Variants in SCN7A observed in about 807,000 individuals in gnomAD.
SCN7A encodes the protein sodium channel protein type 7 subunit alpha.
Under a neutral mutation model 155.2 loss-of-function variants are expected in SCN7A, and 138 were observed. That is an observed-to-expected ratio of 0.89 (90% CI 0.77 to 1.02). SCN7A has a LOEUF of 1.02. Ranked by LOEUF, SCN7A falls within the 50% of genes least tolerant of loss-of-function variation. SCN7A has a pLI of 0.00. For missense variants in SCN7A, 2,058 were observed against 1,986.6 expected (o/e 1.04, Z -0.68); for synonymous variants, 693 against 649.0 (o/e 1.07, Z -1.03).
chr2:166,464,607 C>T (rs375673989), intron 9 of SCN7A, among the ~76,000 whole-genome samples: 16 of 152,006 alleles, frequency 1.1e-4, no homozygotes, highest in Non-Finnish European at 2.2e-4. Context: ...GAAATATCAG[C>T]GTATCTTTTT....
chr2:166,442,745 A>G (rs1484485145), intron 14 of SCN7A, among the ~76,000 whole-genome samples: 2 of 152,142 alleles, frequency 1.3e-5, no homozygotes, highest in East Asian at 3.9e-4. Context: ...ATATTTTGAT[A>G]CTATCTTTTA....
chr2:166,472,038 T>C (rs1470072932), intron 6 of SCN7A, among the ~76,000 whole-genome samples: 1 of 151,792 alleles, frequency 6.6e-6, no homozygotes, highest in Admixed American at 6.6e-5. Context: ...ATGCATACAT[T>C]TGCCATGTTG....
chr2:166,413,146 A>G lies in SCN7A; in HGVS notation c.3415-25T>C, dbSNP rs1213180712. On this transcript the variant is annotated intron_variant, in intron 21 of 25. Coordinates refer to ENST00000643258, the MANE Select transcript of SCN7A (RefSeq NM_002976.4). ...CCTGTAAAAATAAAATGCATTTAAA[A>G]TTTATGCTTCCTGGCAAATAAAAAG... 5 of 1,379,436 alleles carry G rather than the reference A, an allele frequency of 3.6e-6. No individual in the cohort carries two copies. The East Asian group carries it at 9.9e-5, about 27-fold the overall frequency. 85.4% of individuals were successfully genotyped at this position (1,379,436 alleles called of 1,614,324 possible). A position where few individuals can be genotyped will look rare whatever the true frequency, so the allele number is the denominator to read the frequency against.
chr2:166,409,526 A>C (rs1240263715), intron 25 of SCN7A, 139 bp downstream of exon 25: 2 of 616,160 alleles, frequency 3.2e-6, no homozygotes, highest in African/African-American at 3.8e-5. Flanking sequence ...AAAATAAAAA[A>C]AGATCTCTAC....
intron 2 of SCN7A, among the ~76,000 whole-genome samples, chr2:166,481,516 A>T (rs1286472134): frequency 6.6e-6 from 1 of 152,170 alleles, no homozygotes; most frequent in Non-Finnish European, 1.5e-5. Context: ...TTTGAAACAG[A>T]GAAAATTGTC....
chr2:166,472,637 G>C (rs1559123499), intron 5 of SCN7A, among the ~76,000 whole-genome samples, 192 bp from the exon 6 acceptor site: 1 of 151,852 alleles, frequency 6.6e-6, no homozygotes, highest in Non-Finnish European at 1.5e-5. Flanking sequence ...AGTGCTCCTT[G>C]AGCCCTAGCT....
chr2:166,434,724 TAGTC>T (rs1024453570), intron 15 of SCN7A, among the ~76,000 whole-genome samples: 3 of 152,140 alleles, frequency 2.0e-5, no homozygotes, highest in Non-Finnish European at 2.9e-5. Flanking sequence ...TAATTTAAGA[TAGTC>T]AGTTGTTTCC....
rs1193415196 is a variant in SCN7A at position 166,412,556 on chromosome 2, CAAT to C, written c.3577_3579del (p.Ile1193del). The stretch of plus-strand genomic sequence containing the variant: ...TTTATTTTATGCTTGTTGAAATTAT[CAAT>C]AATAACAGTAATCAGCATACTCAGA... On this transcript the variant is annotated inframe_deletion, in exon 23 of 26. Transcript: ENST00000643258. 6 of 1,478,336 alleles carry C rather than the reference CAAT, an allele frequency of 4.1e-6. No individual in the cohort carries two copies. The highest frequency in any genetic ancestry group is 5.4e-6 in the Non-Finnish European group (6 of 1,119,966). The allele number at this position is 1,478,336 out of a possible 1,614,324, so 91.6% of individuals were successfully genotyped here.
At chr2:166,436,615 C>A (rs904120424) in intron 15 of SCN7A, among the ~76,000 whole-genome samples, 5 of 152,132 alleles carry the variant, frequency 3.3e-5, no homozygotes, top group African/African-American at 1.2e-4. Flanking sequence ...GGGTAACAGG[C>A]AGATGTTGGA....
In SCN7A at chr2:166,406,502, G is replaced by A. The variant is rs1043619288; in HGVS notation, c.4127C>T (p.Ser1376Phe). The change falls in exon 26 of 26, where the codon TCC becomes TTC. Residue 1376 changes from serine to phenylalanine, a missense_variant. Coordinates refer to ENST00000643258, the MANE Select transcript of SCN7A (RefSeq NM_002976.4). ...AATGATGTTCAATAATGCTGGGAGG[G>A]ACAGCATCAAAGGAAGCATCAGATT... ...FHNLMLPLML[S>F]LPALLNIILL... The A allele has an allele frequency of 3.7e-6, 6 of 1,612,736 alleles. No homozygotes were observed. The highest frequency in any genetic ancestry group is 5.1e-6 in the Non-Finnish European group (6 of 1,179,204).
intron 3 of SCN7A, among the ~76,000 whole-genome samples, chr2:166,475,309 A>C (rs1465055224): frequency 6.7e-6 from 1 of 149,190 alleles, no homozygotes; most frequent in Non-Finnish European, 1.5e-5. Context: ...AATAAATTAT[A>C]GTATACTAAA....
In SCN7A at chr2:166,405,847, T is replaced by C; in HGVS notation, c.4782A>G (p.Lys1594=). 6.2e-7 allele frequency: 1 copy of C among 1,613,138 alleles called. No individual in the cohort carries two copies. The highest frequency in any genetic ancestry group is 1.1e-5 in the South Asian group (1 of 91,062). Residue 1594 remains lysine, a synonymous_variant, in exon 26 of 26, where the codon AAA becomes AAG. Coordinates refer to ENST00000643258, the MANE Select transcript of SCN7A (RefSeq NM_002976.4). ...RVMGQDVRME[K]VVSEIESGFL... ...ACCCTGATTCTATTTCTGAAACAAC[T>C]TTCTCCATCCTCACATCTTGACCCA...
chr2:166,409,601 T>C (rs1158908239), intron 25 of SCN7A, 64 bp downstream of exon 25: 1 of 1,214,542 alleles, frequency 8.2e-7, no homozygotes, highest in Non-Finnish European at 1.1e-6. Flanking sequence ...ATTTCATATT[T>C]ACTGTAAGAG....
Position 166,414,123 on chromosome 2 carries a change from TATATTA to T in SCN7A, c.3415-1008_3415-1003del, listed in dbSNP as rs1701280880. On this transcript the variant is annotated intron_variant, in intron 21 of 25. Transcript: ENST00000643258. ...ATATATTATATATAAATATATATAATATATTATATATATGTAAATATATATAAATAT... is the reference window on the plus strand; with the variant it reads ...ATATATTATATATAAATATATATAATTATATATGTAAATATATATAAATAT... Among the ~76,000 whole-genome samples, 2 of 82,740 alleles carry T rather than the reference TATATTA, an allele frequency of 2.4e-5. 1 individual carries two copies. The highest frequency in any genetic ancestry group is 1.2e-4 in the African/African-American group (2 of 17,252). 54.3% of individuals were successfully genotyped at this position (82,740 alleles called of 152,430 possible). A position where few individuals can be genotyped will look rare whatever the true frequency, so the allele number is the denominator to read the frequency against.
chr2:166,414,095 A>G (rs1383327090), intron 21 of SCN7A, among the ~76,000 whole-genome samples: 1 of 88,218 alleles, frequency 1.1e-5, no homozygotes, highest in Non-Finnish European at 2.0e-5. Context: ...GTAAATATAT[A>G]TAATATATTA....
Position 166,441,330 on chromosome 2 carries a change from A to G in SCN7A, c.2157+66T>C, listed in dbSNP as rs1575029083. Reference sequence around the variant, plus strand: ...AGACCATTAGATCCCATCAATGCACATCATGAAAATACCAAACTACCTTAT... The same window carrying G: ...AGACCATTAGATCCCATCAATGCACGTCATGAAAATACCAAACTACCTTAT... On this transcript the variant is annotated intron_variant, in intron 15 of 25. Transcript: ENST00000643258. The G allele has an allele frequency of 8.9e-6, 10 of 1,125,984 alleles. No individual in the cohort carries two copies. The East Asian group carries it at 2.6e-4, about 29-fold the overall frequency. The allele number at this position is 1,125,984 out of a possible 1,614,324, so 69.7% of individuals were successfully genotyped here.
At chr2:166,450,743 C>T (rs1270796679) in intron 11 of SCN7A, among the ~76,000 whole-genome samples, 1 of 151,842 alleles carries the variant, frequency 6.6e-6, no homozygotes, top group African/African-American at 2.4e-5. Context: ...GCAGTGAGAC[C>T]AGATTGCGCC....
At chr2:166,413,846 A>C (rs1317798853) in intron 21 of SCN7A, among the ~76,000 whole-genome samples, 1 of 149,214 alleles carries the variant, frequency 6.7e-6, no homozygotes, top group Non-Finnish European at 1.5e-5. Flanking sequence ...TTGGACTCCA[A>C]GTTCTTCAGT....
At chr2:166,488,209 G>T (rs1703094554) in intron 1 of SCN7A, among the ~76,000 whole-genome samples, 1 of 152,104 alleles carries the variant, frequency 6.6e-6, no homozygotes, top group Non-Finnish European at 1.5e-5. Context: ...ATATATCATG[G>T]CTTATATTTC....
Sources: allele counts gnomAD v4.1 joint callset (sites outside exome capture counted in the v4.1 genomes callset), GRCh38; gene constraint gnomAD v4.1.1; transcripts MANE v1.5; gene names NCBI Gene and HGNC (gene_info 2026-07-23, HGNC 2026-07-21).